The following ERC2 variants were observed in gnomAD, a reference collection of about 807,000 sequenced individuals.
The protein encoded by ERC2 is ELKS/RAB6-interacting/CAST family member 2.
ERC2 carries 42 observed loss-of-function variants against 114.8 expected under a neutral mutation model. That is an observed-to-expected ratio of 0.37 (90% CI 0.29 to 0.47). ERC2 has a LOEUF of 0.47. ERC2 is among the 20% of genes least tolerant of loss of function. The pLI is 0.99. For missense variants in ERC2, 939 were observed against 1,150.7 expected (o/e 0.82, Z 2.66); for synonymous variants, 454 against 425.5 (o/e 1.07, Z -0.82).
intron 13 of ERC2, among the ~76,000 whole-genome samples, chr3:55,928,068 T>C (rs1188768728): frequency 6.6e-6 from 1 of 152,220 alleles, no homozygotes; most frequent in African/African-American, 2.4e-5. Context: ...GCAGTAAACA[T>C]AGTAGTGTAG....
chr3:55,593,246 G>T (rs2057983373), intron 17 of ERC2, among the ~76,000 whole-genome samples: 1 of 152,136 alleles, frequency 6.6e-6, no homozygotes. Flanking sequence ...TCAGTCCACT[G>T]GTTCATTTCT....
intron 2 of ERC2, among the ~76,000 whole-genome samples, chr3:56,394,350 A>T (rs1286130860): frequency 6.6e-6 from 1 of 152,196 alleles, no homozygotes; most frequent in Admixed American, 6.5e-5. Context: ...AAACTGTTTT[A>T]TAGGTAACTC....
At position 56,197,931 on chromosome 3, in the gene ERC2, A is replaced by T. The variant is rs117009129; in HGVS notation, c.1075-24411T>A. Among the ~76,000 whole-genome samples, 4 of 152,352 alleles carry T rather than the reference A, an allele frequency of 2.6e-5. No homozygotes were observed. In the East Asian group the frequency reaches 7.7e-4, roughly 29 times the overall value. On this transcript the variant is annotated intron_variant, in intron 3 of 17. Transcript: ENST00000288221. ...CAAGTATTAGGAGTCAGAAATATGC[A>T]TCTAGAAACACTGATCAATTCCTGG...
intron 6 of ERC2, among the ~76,000 whole-genome samples, chr3:56,126,983 G>A (rs78695865): frequency 1.3e-5 from 2 of 152,006 alleles, no homozygotes; most frequent in East Asian, 1.9e-4. Context: ...AGGATGCAGG[G>A]TTACAAAATC....
intron 2 of ERC2, among the ~76,000 whole-genome samples, chr3:56,424,217 A>T (rs2061486424): frequency 6.6e-6 from 1 of 152,204 alleles, no homozygotes; most frequent in Admixed American, 6.5e-5. Flanking sequence ...GCTTGGTTTC[A>T]ATAAGTACCC....
chr3:56,242,305 G>A (rs1452536533), intron 3 of ERC2, among the ~76,000 whole-genome samples: 1 of 152,062 alleles, frequency 6.6e-6, no homozygotes, highest in Non-Finnish European at 1.5e-5. Context: ...ATGGACTTTG[G>A]GGACTTGGGG....
chr3:56,455,224 T>TA (rs1027638830), intron 1 of ERC2, among the ~76,000 whole-genome samples: 31 of 145,784 alleles, frequency 2.1e-4, no homozygotes, highest in African/African-American at 7.1e-4. Context: ...TTTACCACAG[T>TA]AAAAAAATAA....
At chr3:55,913,306 G>A (rs2064917052) in intron 13 of ERC2, among the ~76,000 whole-genome samples, 1 of 152,032 alleles carries the variant, frequency 6.6e-6, no homozygotes. Context: ...CACCTCCTGG[G>A]GGTCTTATGG....
intron 17 of ERC2, among the ~76,000 whole-genome samples, chr3:55,562,812 A>AT (rs1042771455): frequency 6.6e-6 from 1 of 152,014 alleles, no homozygotes; most frequent in Non-Finnish European, 1.5e-5. Context: ...CTGTGTTTAA[A>AT]TTTTTTTGTT....
At position 56,363,189 on chromosome 3, in the gene ERC2, T is replaced by C. The variant is rs1241058634; in HGVS notation, c.658-66754A>G. ...TGCAATGAGAAATAGATTAAATGCA[T>C]AATCAAAGCTTAGGAATAAACTCCT... On this transcript the variant is annotated intron_variant, in intron 2 of 17. Transcript: ENST00000288221. Among the ~76,000 whole-genome samples the C allele has an allele frequency of 5.3e-5, 8 of 152,316 alleles. No homozygotes were observed. The East Asian group carries it at 1.3e-3, about 26-fold the overall frequency.
chr3:55,992,338 T>C (rs1223464671), intron 10 of ERC2, 88 bp from the exon 11 acceptor site: 20 of 1,216,264 alleles, frequency 1.6e-5, no homozygotes, highest in Non-Finnish European at 2.3e-5. Flanking sequence ...GAAATTAACT[T>C]TGGAGAGAAA....
intron 2 of ERC2, among the ~76,000 whole-genome samples, chr3:56,375,113 C>G (rs73073991): frequency 0.066 from 10,083 of 152,180 alleles, 514 homozygotes; most frequent in African/African-American, 0.13. Context: ...ATTTGTCCAC[C>G]ACAAGGGAGA....
chr3:55,895,768 AG>A (rs1274317249), intron 13 of ERC2, among the ~76,000 whole-genome samples: 1 of 152,180 alleles, frequency 6.6e-6, no homozygotes, highest in African/African-American at 2.4e-5. Flanking sequence ...TGACCCACTT[AG>A]TGCAATGATG....
intron 17 of ERC2, among the ~76,000 whole-genome samples, chr3:55,645,386 C>A (rs985341417): frequency 3.9e-5 from 6 of 152,162 alleles, no homozygotes; most frequent in Non-Finnish European, 2.9e-5. Context: ...TTCCCAAGAA[C>A]CTGTCATAAG....
At chr3:56,318,576 C>A (rs2056976470) in intron 2 of ERC2, among the ~76,000 whole-genome samples, 1 of 150,834 alleles carries the variant, frequency 6.6e-6, no homozygotes, top group Non-Finnish European at 1.5e-5. Flanking sequence ...TAAGGAACTT[C>A]TACAACTCAA....
Position 55,897,870 on chromosome 3 carries a change from C to T in ERC2, c.2404-9321G>A, listed in dbSNP as rs570147090. Among the ~76,000 whole-genome samples, 5 of 152,232 alleles carry T rather than the reference C, an allele frequency of 3.3e-5. No homozygotes were observed. In the East Asian group the frequency reaches 9.7e-4, roughly 29 times the overall value. ...AGACTGCTTTCAGCCTGGACCTGAC[C>T]ATCCCTAAGACTGTGTTTGTGATTT... On this transcript the variant is annotated intron_variant, in intron 13 of 17. Transcript: ENST00000288221.
intron 2 of ERC2, among the ~76,000 whole-genome samples, chr3:56,301,156 A>G (rs2055848350): frequency 6.6e-6 from 1 of 152,222 alleles, no homozygotes; most frequent in South Asian, 2.1e-4. Context: ...GGATGCTTCC[A>G]GGCTGTACAT....
chr3:55,702,084 C>G (rs1437284095), intron 15 of ERC2, among the ~76,000 whole-genome samples: 2 of 152,168 alleles, frequency 1.3e-5, no homozygotes, highest in African/African-American at 4.8e-5. Flanking sequence ...CTAAAGTTCC[C>G]TACCTTTGAA....
At chr3:55,639,954 T>C (rs1211556736) in intron 17 of ERC2, among the ~76,000 whole-genome samples, 1 of 151,334 alleles carries the variant, frequency 6.6e-6, no homozygotes, top group African/African-American at 2.4e-5. Context: ...CCGTTGCCTC[T>C]AATAAGAAGG....
Sources: gnomAD v4.1 joint callset for allele counts (sites outside exome capture counted in the v4.1 genomes callset) on GRCh38, gnomAD v4.1.1 for gene constraint, MANE v1.5 for transcripts, NCBI Gene and HGNC (gene_info 2026-07-23, HGNC 2026-07-21) for gene names.